The following HCRTR2 variants were observed in gnomAD, a reference collection of about 807,000 sequenced individuals.
HCRTR2 encodes hypocretin receptor 2, also known as orexin receptor type 2.
A neutral mutation model predicts 49.0 loss-of-function variants in HCRTR2; 22 were observed. That is an observed-to-expected ratio of 0.45 (90% CI 0.32 to 0.64). The LOEUF (loss-of-function observed/expected upper bound fraction) is 0.64. Ranked by LOEUF, HCRTR2 falls within the 30% of genes least tolerant of loss-of-function variation. The pLI, the probability that HCRTR2 is intolerant of heterozygous loss-of-function variation, is 0.04. For synonymous variants in HCRTR2, 236 were observed against 205.3 expected (o/e 1.15, Z -1.28); for missense variants, 491 against 559.4 (o/e 0.88, Z 1.23).
At chr6:55,148,619 C>T (rs1764625354) in intron 1 of HCRTR2, among the ~76,000 whole-genome samples, 1 of 152,052 alleles carries the variant, frequency 6.6e-6, no homozygotes, top group Non-Finnish European at 1.5e-5. Context: ...GTTGGGAAGC[C>T]AATATGCTTC....
intron 1 of HCRTR2, among the ~76,000 whole-genome samples, chr6:55,131,279 A>C (rs190063387): frequency 7.2e-5 from 11 of 151,884 alleles, no homozygotes; most frequent in Admixed American, 7.2e-4. Context: ...TTACCTTTTC[A>C]GATTTTACCT....
chr6:55,277,316 A>G, intron 4 of HCRTR2, 64 bp from the exon 5 acceptor site: 2 of 1,356,326 alleles, frequency 1.5e-6, no homozygotes, highest in Non-Finnish European at 1.1e-6. Flanking sequence ...TTTTCTAATT[A>G]CTTCCCCAAA....
intron 2 of HCRTR2, among the ~76,000 whole-genome samples, chr6:55,251,769 T>C (rs1161714418): frequency 6.6e-6 from 1 of 152,090 alleles, no homozygotes; most frequent in Non-Finnish European, 1.5e-5. Context: ...TGGACTTCTC[T>C]ACTAAAGGAA....
Position 55,200,235 on chromosome 6 carries a change from T to TTTTG in HCRTR2, c.223+25426_223+25427insTTGT, listed in dbSNP as rs1491266236. The stretch of plus-strand genomic sequence containing the variant: ...TATGTTTTTGTACTTGTTTGCTGTC[T>TTTTG]TGTGTGTGTGTGTGTGTGTGTGTGT... On this transcript the variant is annotated intron_variant, in intron 1 of 6. Transcript: ENST00000370862. 5.9e-5 allele frequency among the ~76,000 whole-genome samples: 8 copies of TTTTG among 135,294 alleles called. No individual in the cohort carries two copies. The East Asian group carries it at 9.0e-4, about 15-fold the overall frequency. The allele number at this position is 135,294 out of a possible 152,430, so 88.8% of individuals were successfully genotyped here.
At chr6:55,193,447 C>A (rs1415022339) in intron 1 of HCRTR2, among the ~76,000 whole-genome samples, 2 of 151,972 alleles carry the variant, frequency 1.3e-5, no homozygotes, top group African/African-American at 4.8e-5. Flanking sequence ...AGGAGCTAAA[C>A]CTTTGCTACC....
intron 1 of HCRTR2, among the ~76,000 whole-genome samples, chr6:55,119,445 T>C (rs1764165089): frequency 6.6e-6 from 1 of 152,090 alleles, no homozygotes; most frequent in Non-Finnish European, 1.5e-5. Flanking sequence ...CAGCATTTGT[T>C]GTTTCCTGAC....
At chr6:55,144,886 G>GTTA (rs1027724351) in intron 1 of HCRTR2, among the ~76,000 whole-genome samples, 1 of 152,120 alleles carries the variant, frequency 6.6e-6, no homozygotes, top group African/African-American at 2.4e-5. Flanking sequence ...TTCTTTAAGA[G>GTTA]TTATTCTAAG....
chr6:55,160,651 A>C (rs1764792858), intron 1 of HCRTR2, among the ~76,000 whole-genome samples: 1 of 152,212 alleles, frequency 6.6e-6, no homozygotes, highest in Non-Finnish European at 1.5e-5. Context: ...TTTACTAAGC[A>C]AATGGAAAGC....
At chr6:55,175,916 C>A (rs1377773514) in intron 1 of HCRTR2, among the ~76,000 whole-genome samples, 1 of 152,024 alleles carries the variant, frequency 6.6e-6, no homozygotes, top group Admixed American at 6.6e-5. Context: ...GAAGTCTCTG[C>A]TGAAAATGAC....
intron 1 of HCRTR2, among the ~76,000 whole-genome samples, chr6:55,207,733 G>C (rs1765625415): frequency 6.6e-6 from 1 of 152,124 alleles, no homozygotes; most frequent in Non-Finnish European, 1.5e-5. Context: ...AATATTTTCT[G>C]TCTTGGGTGG....
At chr6:55,219,109 C>T (rs1375473032) in intron 1 of HCRTR2, among the ~76,000 whole-genome samples, 1 of 152,194 alleles carries the variant, frequency 6.6e-6, no homozygotes, top group Non-Finnish European at 1.5e-5. Context: ...GCATGAGCCA[C>T]CGTGCTCAGG....
intron 1 of HCRTR2, among the ~76,000 whole-genome samples, chr6:55,246,847 T>A (rs1449910018): frequency 6.6e-6 from 1 of 152,080 alleles, no homozygotes; most frequent in African/African-American, 2.4e-5. Flanking sequence ...CAGCACATAG[T>A]AATGACTAAA....
Position 55,233,970 on chromosome 6 carries a change from A to G in HCRTR2, c.224-14669A>G, listed in dbSNP as rs142845507. ...TTTATCTTTGTAGTGTACCTACACCATCACAGAAAGGTTTGCCATCAGTCT... is the reference window on the plus strand; with the variant it reads ...TTTATCTTTGTAGTGTACCTACACCGTCACAGAAAGGTTTGCCATCAGTCT... On this transcript the variant is annotated intron_variant, in intron 1 of 6. Coordinates refer to ENST00000370862, the MANE Select transcript of HCRTR2 (RefSeq NM_001384272.1). 2.0e-5 allele frequency among the ~76,000 whole-genome samples: 3 copies of G among 152,304 alleles called. No homozygotes were observed. The East Asian group carries it at 5.8e-4, about 29-fold the overall frequency.
Position 55,282,218 on chromosome 6 carries a change from T to C in HCRTR2, c.1106-7T>C. The stretch of plus-strand genomic sequence containing the variant: ...TTCCTTTTCCTTTCATTCTCTCTGT[T>C]TGCCAGGAAAATTTCGAGAGGAATT... On this transcript the variant is annotated splice_polypyrimidine_tract_variant and splice_region_variant and intron_variant, in intron 6 of 6. Coordinates refer to ENST00000370862, the MANE Select transcript of HCRTR2 (RefSeq NM_001384272.1). 5.0e-6 allele frequency: 8 copies of C among 1,601,118 alleles called. No homozygotes were observed. Among genetic ancestry groups the C allele is most frequent in the Non-Finnish European group, 6.8e-6 (8 of 1,168,786 alleles).
chr6:55,153,027 T>A (rs1490316610), intron 1 of HCRTR2, among the ~76,000 whole-genome samples: 1 of 152,018 alleles, frequency 6.6e-6, no homozygotes, highest in Non-Finnish European at 1.5e-5. Flanking sequence ...TGGTCATCTT[T>A]TAAGTTTAAA....
intron 1 of HCRTR2, among the ~76,000 whole-genome samples, chr6:55,165,222 G>GGA (rs35805278): frequency 0.23 from 35,357 of 150,620 alleles, 5,373 homozygotes; most frequent in East Asian, 0.75. Context: ...TAAAAAGGAA[G>GGA]GAGAGAGAGA....
intron 1 of HCRTR2, among the ~76,000 whole-genome samples, chr6:55,228,751 G>A (rs1051076787): frequency 1.3e-5 from 2 of 152,092 alleles, no homozygotes; most frequent in African/African-American, 4.8e-5. Flanking sequence ...AAACTTCACA[G>A]AATGAAAAAT....
In HCRTR2 at chr6:55,210,386, C is replaced by A. The variant is rs546327171; in HGVS notation, c.223+35576C>A. On this transcript the variant is annotated intron_variant, in intron 1 of 6. Coordinates refer to ENST00000370862, the MANE Select transcript of HCRTR2 (RefSeq NM_001384272.1). ...AACACAGGAATAGGTGGCCTGCAGA[C>A]ACACTCTGTGATGCTGTAATTCTAA... is the stretch of plus-strand genomic sequence containing the variant. Among the ~76,000 whole-genome samples the A allele has an allele frequency of 5.3e-5, 8 of 152,106 alleles. No homozygotes were observed. The South Asian group carries it at 1.7e-3, about 32-fold the overall frequency.
At chr6:55,183,067 A>G (rs1367702151) in intron 1 of HCRTR2, among the ~76,000 whole-genome samples, 2 of 152,210 alleles carry the variant, frequency 1.3e-5, no homozygotes. Flanking sequence ...CTATGTGCCA[A>G]TTATTGTGCT....
Sources: gnomAD v4.1 joint callset for allele counts (sites outside exome capture counted in the v4.1 genomes callset) on GRCh38, gnomAD v4.1.1 for gene constraint, MANE v1.5 for transcripts, NCBI Gene and HGNC (gene_info 2026-07-23, HGNC 2026-07-21) for gene names.